The following SERAC1 variants were observed in gnomAD, a reference collection of about 807,000 sequenced individuals.
SERAC1 encodes serine active site containing 1.
A neutral mutation model predicts 85.7 loss-of-function variants in SERAC1; 36 were observed. The ratio of observed to expected loss-of-function variants is 0.42; its 90% CI spans 0.32 to 0.55. The LOEUF is 0.55. Ranked by LOEUF, SERAC1 falls within the 20% of genes least tolerant of loss-of-function variation. The probability of loss-of-function intolerance (pLI) is 0.11; values close to 1 mark genes in which losing one functional copy is unlikely to be tolerated. For synonymous variants in SERAC1, 242 were observed against 265.3 expected, an observed-to-expected ratio of 0.91 and a Z score of 0.85; for missense variants, 629 against 796.2, an observed-to-expected ratio of 0.79 and a Z score of 2.53.
At chr6:158,151,220 G>C (rs1438837300) in intron 3 of SERAC1, 1 of 151,756 alleles carries the variant, frequency 6.6e-6, no homozygotes, top group Non-Finnish European at 1.5e-5. Context: ...ATGGGTTTGT[G>C]TTTCATTTTT....
At chr6:158,118,971 T>TCAGGGCCCCAGCAAC (rs564971755) in intron 12 of SERAC1, 58 bp downstream of exon 12, 21 of 1,560,476 alleles carry the variant, frequency 1.3e-5, no homozygotes, top group Middle Eastern at 1.7e-4. Flanking sequence ...CAAGCCACAA[T>TCAGGGCCCCAGCAAC]CAGGGCCCCA....
intron 8 of SERAC1, among the ~76,000 whole-genome samples, chr6:158,133,761 G>T (rs1784733666): frequency 6.6e-6 from 1 of 152,160 alleles, no homozygotes; most frequent in African/African-American, 2.4e-5. Flanking sequence ...GCTTTAAAAT[G>T]ATGTTCATTC....
At chr6:158,142,973 C>T in intron 8 of SERAC1, 83 bp downstream of exon 8, 1 of 1,116,418 alleles carries the variant, frequency 9.0e-7, no homozygotes, top group African/African-American at 1.5e-5. Context: ...TACTCAGTTA[C>T]TGGGTGAATG....
In SERAC1 at chr6:158,166,254, T is replaced by C. The variant is rs1180063704; in HGVS notation, c.-2+1886A>G. 2.0e-5 allele frequency: 3 copies of C among 152,344 alleles called. No homozygotes were observed. The East Asian group carries it at 5.8e-4, about 29-fold the overall frequency. 9.4% of individuals were successfully genotyped at this position (152,344 alleles called of 1,614,324 possible). On this transcript the variant is annotated intron_variant, in intron 1 of 16. Coordinates refer to ENST00000647468, the MANE Select transcript of SERAC1 (RefSeq NM_032861.4). ...ATATATTTCATCATCCTTTATTGAA[T>C]AGTCTATGCTTTCCCCCTGCTTTGC...
chr6:158,155,499 A>G, intron 2 of SERAC1, 148 bp from the exon 3 acceptor site: 1 of 560,628 alleles, frequency 1.8e-6, no homozygotes, highest in Non-Finnish European at 3.2e-6. Flanking sequence ...CTATTAATAA[A>G]TGGTCTCCTA....
chr6:158,167,215 C>T (rs1785618874), intron 1 of SERAC1, among the ~76,000 whole-genome samples: 1 of 122,212 alleles, frequency 8.2e-6, no homozygotes, highest in Non-Finnish European at 1.6e-5. Context: ...CATGAACACA[C>T]ACGATGTTAA....
chr6:158,115,676 A>G (rs1198538259), intron 14 of SERAC1, among the ~76,000 whole-genome samples: 2 of 152,158 alleles, frequency 1.3e-5, no homozygotes, highest in African/African-American at 4.8e-5. Context: ...AGGGGAGGCC[A>G]TTCCATAAGC....
chr6:158,111,223 T>A lies in SERAC1; in HGVS notation c.*143A>T. ...TTTACAGCGCTTGAAGGGAGAACAA[T>A]GTTCTGTAGTCTGCAACACACTCCA... On this transcript the variant is annotated 3_prime_UTR_variant, in exon 17 of 17. Coordinates refer to ENST00000647468, the MANE Select transcript of SERAC1 (RefSeq NM_032861.4). 2.7e-6 allele frequency: 2 copies of A among 741,522 alleles called. No individual in the cohort carries two copies. Among genetic ancestry groups the A allele is most frequent in the Non-Finnish European group, 4.1e-6 (2 of 487,586 alleles). The allele number at this position is 741,522 out of a possible 1,614,324, so 45.9% of individuals were successfully genotyped here. A position where few individuals can be genotyped will look rare whatever the true frequency, so the allele number is the denominator to read the frequency against.
chr6:158,158,579 T>A (rs1450354854), intron 1 of SERAC1: 1 of 432,506 alleles, frequency 2.3e-6, no homozygotes, highest in African/African-American at 2.0e-5. Context: ...TTCATTATTC[T>A]TCCTCACACT....
chr6:158,162,436 G>A (rs1372679764), intron 1 of SERAC1, among the ~76,000 whole-genome samples: 1 of 152,104 alleles, frequency 6.6e-6, no homozygotes, highest in Non-Finnish European at 1.5e-5. Flanking sequence ...TCTACTTTAT[G>A]TCTGGGTATG....
intron 3 of SERAC1, among the ~76,000 whole-genome samples, chr6:158,153,715 G>A (rs1489500256): frequency 6.6e-6 from 1 of 152,144 alleles, no homozygotes; most frequent in Non-Finnish European, 1.5e-5. Flanking sequence ...CACAAAGATT[G>A]CACTCTGGAT....
In SERAC1 at chr6:158,119,028, C is replaced by T. The variant is rs1385235946; in HGVS notation, c.1308+1G>A. ...AGGGCCAGAGTCAGTGGCTCCCTTA[C>T]CTTGGGCCAGCACGTCGTATATCTG... On this transcript the variant is annotated splice_donor_variant, in intron 12 of 16. Coordinates refer to ENST00000647468, the MANE Select transcript of SERAC1 (RefSeq NM_032861.4). LOFTEE classifies it high-confidence loss of function. The surrounding 1 kb of genome is among the most constrained non-coding windows in gnomAD (Gnocchi z 4.5). The T allele has an allele frequency of 1.2e-6, 2 of 1,611,900 alleles. No individual in the cohort carries two copies. Among genetic ancestry groups the T allele is most frequent in the Non-Finnish European group, 8.5e-7 (1 of 1,178,830 alleles).
rs561633799 is a variant in SERAC1, at chr6:158,123,864, G to A, written c.1016-3289C>T. Among the ~76,000 whole-genome samples, 33 of 152,318 alleles carry A rather than the reference G, an allele frequency of 2.2e-4. 1 individual carries two copies. In the South Asian group the frequency reaches 6.2e-3, roughly 29 times the overall value. ...GAGAGGATAAAGGGGTCTGTGGATA[G>A]AAGATTTCAATAGAGAAGAAAACCA... On this transcript the variant is annotated intron_variant, in intron 10 of 16. Transcript: ENST00000647468.
intron 1 of SERAC1, chr6:158,166,284 C>T (rs1257104574): frequency 6.6e-6 from 1 of 152,174 alleles, no homozygotes; most frequent in African/African-American, 2.4e-5. Context: ...CTTTGCAATA[C>T]CACTTAGTGG....
chr6:158,125,779 G>C (rs1784525486), intron 10 of SERAC1, among the ~76,000 whole-genome samples: 1 of 152,116 alleles, frequency 6.6e-6, no homozygotes, highest in African/African-American at 2.4e-5. Flanking sequence ...CACAAAGAAT[G>C]GCAGGGGATG....
At position 158,158,617 on chromosome 6, in the gene SERAC1, T is replaced by C. The variant is rs1785414210; in HGVS notation, c.-1-253A>G. 4 of 320,090 alleles carry C rather than the reference T, an allele frequency of 1.2e-5. 1 individual carries two copies. Among genetic ancestry groups the C allele is most frequent in the East Asian group, 1.2e-4 (2 of 17,330 alleles). 19.8% of individuals were successfully genotyped at this position (320,090 alleles called of 1,614,324 possible). A position where few individuals can be genotyped will look rare whatever the true frequency, so the allele number is the denominator to read the frequency against. On this transcript the variant is annotated intron_variant, in intron 1 of 16. Transcript: ENST00000647468. ...GTCCAATTGTGCATAGTTTTCACAATTGGAAAGATGATCTAAATATGATAC... is the reference window on the plus strand; with the variant it reads ...GTCCAATTGTGCATAGTTTTCACAACTGGAAAGATGATCTAAATATGATAC...
At chr6:158,142,115 C>A (rs951394278) in intron 8 of SERAC1, among the ~76,000 whole-genome samples, 1 of 152,020 alleles carries the variant, frequency 6.6e-6, no homozygotes, top group Admixed American at 6.6e-5. Flanking sequence ...GACATAACAC[C>A]CCAAGAATAT....
Position 158,109,528 on chromosome 6 carries a change from T to C in SERAC1, c.*1838A>G, listed in dbSNP as rs1395956189. On this transcript the variant is annotated 3_prime_UTR_variant, in exon 17 of 17. Transcript: ENST00000647468. Reference sequence around the variant, plus strand: ...ACAATGAAACAATTAATTGTTGATATCGAGTTTATTGATGAGCCATTTACC... The same window carrying C: ...ACAATGAAACAATTAATTGTTGATACCGAGTTTATTGATGAGCCATTTACC... 2 of 152,186 alleles carry C rather than the reference T, an allele frequency of 1.3e-5. No homozygotes were observed. Among genetic ancestry groups the C allele is most frequent in the Admixed American group, 1.3e-4 (2 of 15,286 alleles). 9.4% of individuals were successfully genotyped at this position (152,186 alleles called of 1,614,324 possible).
chr6:158,164,462 G>A (rs916416875), intron 1 of SERAC1, among the ~76,000 whole-genome samples: 9 of 152,018 alleles, frequency 5.9e-5, no homozygotes, highest in Non-Finnish European at 5.9e-5. Flanking sequence ...GCGACAGAGC[G>A]AGACTCCATC....
Sources: allele counts gnomAD v4.1 joint callset (sites outside exome capture counted in the v4.1 genomes callset), GRCh38; gene constraint gnomAD v4.1.1; non-coding constraint Gnocchi (gnomAD v3.1); transcripts MANE v1.5; gene names NCBI Gene and HGNC (gene_info 2026-07-23, HGNC 2026-07-21).